Variants in UNC5D observed in about 807,000 individuals in gnomAD.
UNC5D encodes netrin receptor UNC5D.
In UNC5D, 39 loss-of-function variants were observed where a neutral mutation model predicts 105.4. The observed-to-expected ratio is 0.37, with a 90% CI of 0.29 to 0.48. The LOEUF (loss-of-function observed/expected upper bound fraction) is 0.48. UNC5D is among the 20% of genes least tolerant of loss of function. UNC5D has a pLI of 0.98. For missense variants in UNC5D, 991 were observed against 1,202.4 expected (o/e 0.82, Z 2.60); for synonymous variants, 452 against 450.4 (o/e 1.00, Z -0.04).
At chr8:35,443,853 T>C (rs1347176395) in intron 1 of UNC5D, among the ~76,000 whole-genome samples, 2 of 151,968 alleles carry the variant, frequency 1.3e-5, no homozygotes, top group Non-Finnish European at 1.5e-5. Context: ...GCTGATCATC[T>C]TTTTTAATGA....
chr8:35,616,955 G>A (rs566595488), intron 4 of UNC5D, among the ~76,000 whole-genome samples: 3 of 152,278 alleles, frequency 2.0e-5, no homozygotes, highest in Non-Finnish European at 4.4e-5. Flanking sequence ...AAAGCAGTCT[G>A]GGATGCCGCC....
At position 35,355,001 on chromosome 8, in the gene UNC5D, C is replaced by G. The variant is rs563714624; in HGVS notation, c.103+119114C>G. On this transcript the variant is annotated intron_variant, in intron 1 of 16. Coordinates refer to ENST00000404895, the MANE Select transcript of UNC5D (RefSeq NM_080872.4). ...TTTTATGGCAGCTGATTTCCAAGAG[C>G]CAGTGTTTTAAGAGACAGGAAAATG... Among the ~76,000 whole-genome samples, 5 of 152,210 alleles carry G rather than the reference C, an allele frequency of 3.3e-5. No homozygotes were observed. The East Asian group carries it at 9.7e-4, about 30-fold the overall frequency.
At chr8:35,479,799 G>C (rs1485430531) in intron 1 of UNC5D, among the ~76,000 whole-genome samples, 1 of 152,166 alleles carries the variant, frequency 6.6e-6, no homozygotes, top group Admixed American at 6.5e-5. Context: ...AGAGAACATA[G>C]GTTGGAAGGC....
intron 13 of UNC5D, among the ~76,000 whole-genome samples, chr8:35,755,355 GA>G (rs1468590915): frequency 6.6e-6 from 1 of 152,038 alleles, no homozygotes; most frequent in Non-Finnish European, 1.5e-5. Flanking sequence ...GGTGGATTTA[GA>G]ATCTAATTTC....
chr8:35,669,136 G>C (rs1824611717), intron 4 of UNC5D, among the ~76,000 whole-genome samples: 1 of 152,102 alleles, frequency 6.6e-6, no homozygotes, highest in South Asian at 2.1e-4. Flanking sequence ...AAAAGTAGTT[G>C]AGTAAGTCTG....
At chr8:35,569,191 CT>C (rs1817562785) in intron 3 of UNC5D, among the ~76,000 whole-genome samples, 1 of 152,140 alleles carries the variant, frequency 6.6e-6, no homozygotes, top group South Asian at 2.1e-4. Flanking sequence ...AATACACAAA[CT>C]TTTTTTCTCC....
intron 1 of UNC5D, among the ~76,000 whole-genome samples, chr8:35,420,407 C>T (rs1457110775): frequency 2.0e-5 from 3 of 152,162 alleles, no homozygotes; most frequent in Admixed American, 1.3e-4. Flanking sequence ...ATTTCTTTCC[C>T]CTCCACTAGT....
intron 4 of UNC5D, among the ~76,000 whole-genome samples, chr8:35,676,229 C>G (rs1232526469): frequency 6.6e-6 from 1 of 152,164 alleles, no homozygotes; most frequent in African/African-American, 2.4e-5. Context: ...GAAAAAAAAT[C>G]TACAAATTGC....
At chr8:35,718,941 G>A (rs1828413008) in intron 8 of UNC5D, among the ~76,000 whole-genome samples, 1 of 152,092 alleles carries the variant, frequency 6.6e-6, no homozygotes, top group Non-Finnish European at 1.5e-5. Flanking sequence ...TGCAATAAAG[G>A]GCTGAAAGGC....
chr8:35,748,399 TA>T, intron 11 of UNC5D, 127 bp from the exon 12 acceptor site: 1 of 1,003,668 alleles, frequency 1.0e-6, no homozygotes, highest in Non-Finnish European at 1.4e-6. Context: ...CAGTCCTTTG[TA>T]AAAGAAAATC....
intron 4 of UNC5D, among the ~76,000 whole-genome samples, chr8:35,635,479 G>A (rs1368315932): frequency 6.6e-6 from 1 of 152,152 alleles, no homozygotes; most frequent in East Asian, 1.9e-4. Context: ...AAGCAGTTCA[G>A]CTCTTAATAA....
At chr8:35,647,386 A>ATT (rs1255737638) in intron 4 of UNC5D, among the ~76,000 whole-genome samples, 2 of 98,688 alleles carry the variant, frequency 2.0e-5, no homozygotes, top group East Asian at 6.2e-4. Context: ...GCTCCTGTGT[A>ATT]TTTGTGTGTG....
intron 10 of UNC5D, among the ~76,000 whole-genome samples, chr8:35,730,121 T>G (rs777967161): frequency 1.3e-5 from 2 of 152,218 alleles, no homozygotes; most frequent in Non-Finnish European, 2.9e-5. Flanking sequence ...TGAGATTTTA[T>G]TTTGTAAGGA....
intron 1 of UNC5D, among the ~76,000 whole-genome samples, chr8:35,373,260 G>A (rs1802522603): frequency 6.6e-6 from 1 of 152,216 alleles, no homozygotes; most frequent in Admixed American, 6.5e-5. Flanking sequence ...AGAGTGCACA[G>A]TGAAATGGAT....
chr8:35,411,953 T>C (rs1289582702), intron 1 of UNC5D, among the ~76,000 whole-genome samples: 2 of 152,106 alleles, frequency 1.3e-5, no homozygotes, highest in Non-Finnish European at 2.9e-5. Context: ...CCTCATGTCC[T>C]CGCCTGTCCC....
At chr8:35,330,770 G>A (rs1810556927) in intron 1 of UNC5D, among the ~76,000 whole-genome samples, 1 of 152,264 alleles carries the variant, frequency 6.6e-6, no homozygotes, top group South Asian at 2.1e-4. Flanking sequence ...AATTTAACTC[G>A]AGATGAACCA....
intron 3 of UNC5D, among the ~76,000 whole-genome samples, chr8:35,570,475 T>C (rs932549019): frequency 4.6e-5 from 7 of 152,222 alleles, no homozygotes; most frequent in African/African-American, 1.4e-4. Flanking sequence ...TATTTTATGA[T>C]ATATTTGATT....
chr8:35,748,048 C>T (rs1472844135), intron 11 of UNC5D, among the ~76,000 whole-genome samples: 2 of 152,160 alleles, frequency 1.3e-5, no homozygotes, highest in Non-Finnish European at 2.9e-5. Context: ...CTTCAAAATA[C>T]TGTTTTGCTT....
At chr8:35,439,433 T>C (rs891781296) in intron 1 of UNC5D, among the ~76,000 whole-genome samples, 3 of 152,208 alleles carry the variant, frequency 2.0e-5, no homozygotes, top group Admixed American at 6.5e-5. Context: ...ATGAACAAGC[T>C]GCATAAACAT....
Sources: allele counts gnomAD v4.1 joint callset (sites outside exome capture counted in the v4.1 genomes callset), GRCh38; gene constraint gnomAD v4.1.1; transcripts MANE v1.5; gene names NCBI Gene and HGNC (gene_info 2026-07-23, HGNC 2026-07-21).